Variants in PADI4 observed in about 807,000 individuals in gnomAD.
PADI4 encodes the protein peptidyl arginine deiminase 4, also known as protein-arginine deiminase type-4.
A neutral mutation model predicts 75.0 loss-of-function variants in PADI4; 62 were observed. The ratio of observed to expected loss-of-function variants is 0.83; its 90% CI spans 0.67 to 1.02. The LOEUF (loss-of-function observed/expected upper bound fraction) is 1.02, where lower values mean the gene tolerates loss of function less well. Ranked by LOEUF, PADI4 falls within the 50% of genes least tolerant of loss-of-function variation. PADI4 has a pLI of 0.00. For synonymous variants in PADI4, 361 were observed against 348.1 expected (o/e 1.04, Z -0.41); for missense variants, 845 against 850.5 (o/e 0.99, Z 0.08).
intron 1 of PADI4, among the ~76,000 whole-genome samples, chr1:17,313,956 G>A (rs2073889954): frequency 6.6e-6 from 1 of 152,218 alleles, no homozygotes; most frequent in Admixed American, 6.5e-5. Flanking sequence ...CTGGAACACA[G>A]CCAGAGGAAG....
chr1:17,318,623 T>A (rs1388933515), intron 1 of PADI4, among the ~76,000 whole-genome samples: 1 of 152,170 alleles, frequency 6.6e-6, no homozygotes, highest in Non-Finnish European at 1.5e-5. Context: ...TGAATAAACA[T>A]TTTTATATTT....
intron 2 of PADI4, among the ~76,000 whole-genome samples, chr1:17,332,286 G>A (rs1032485419): frequency 3.3e-4 from 50 of 152,050 alleles, no homozygotes; most frequent in Non-Finnish European, 3.4e-4. Context: ...TCGCTCTGTC[G>A]CCCAGGCTGG....
At chr1:17,314,948 C>T (rs1032579835) in intron 1 of PADI4, among the ~76,000 whole-genome samples, 1 of 152,210 alleles carries the variant, frequency 6.6e-6, no homozygotes, top group Non-Finnish European at 1.5e-5. Flanking sequence ...TCCATTCACA[C>T]TGACCCTGGC....
chr1:17,324,523 G>A (rs1280470935), intron 1 of PADI4, among the ~76,000 whole-genome samples: 1 of 152,070 alleles, frequency 6.6e-6, no homozygotes, highest in Non-Finnish European at 1.5e-5. Flanking sequence ...AATAGAAACA[G>A]GGTCTCACTA....
chr1:17,335,852 T>A (rs2074299619), intron 3 of PADI4, among the ~76,000 whole-genome samples: 1 of 152,214 alleles, frequency 6.6e-6, no homozygotes, highest in Non-Finnish European at 1.5e-5. Context: ...TGGTTGGGAA[T>A]TCCTTCCAAA....
chr1:17,319,558 G>A (rs915123870), intron 1 of PADI4, among the ~76,000 whole-genome samples: 2 of 152,098 alleles, frequency 1.3e-5, no homozygotes, highest in African/African-American at 4.8e-5. Context: ...AAGACAGAGG[G>A]TGTATTAGTT....
At chr1:17,350,932 A>G (rs1410860833) in intron 10 of PADI4, among the ~76,000 whole-genome samples, 1 of 127,518 alleles carries the variant, frequency 7.8e-6, no homozygotes, top group African/African-American at 2.5e-5. Flanking sequence ...CATACCTGTA[A>G]TCCTAGCACT....
intron 10 of PADI4, among the ~76,000 whole-genome samples, chr1:17,352,030 T>A (rs1306443250): frequency 0.091 from 950 of 10,490 alleles, 105 homozygotes; most frequent in Admixed American, 0.12. Context: ...GCCAGGGAGG[T>A]GATGGGAGGA....
chr1:17,321,898 T>A (rs539914460), intron 1 of PADI4, among the ~76,000 whole-genome samples: 1 of 152,272 alleles, frequency 6.6e-6, no homozygotes, highest in East Asian at 1.9e-4. Context: ...TGGAAGAAGA[T>A]GAAGAAATTT....
rs865964540 is a variant in PADI4, at chr1:17,322,493, C to T, written c.93-8476C>T. ...GACAGAGTGAGACTCCATCCCCCCC[C>T]AAAAAAAAAGATAAGCTATAAATGT... On this transcript the variant is annotated intron_variant, in intron 1 of 15. Coordinates refer to ENST00000375448, the MANE Select transcript of PADI4 (RefSeq NM_012387.3). Among the ~76,000 whole-genome samples, 5 of 149,646 alleles carry T rather than the reference C, an allele frequency of 3.3e-5. No homozygotes were observed. In the South Asian group the frequency reaches 1.1e-3, roughly 32 times the overall value.
chr1:17,360,090 C>A (rs71644044), intron 15 of PADI4, among the ~76,000 whole-genome samples: 7,460 of 152,106 alleles, frequency 0.049, 393 homozygotes, highest in African/African-American at 0.13. Context: ...AGGAGTTCGA[C>A]ACCAGCCTGG....
At position 17,320,077 on chromosome 1, in the gene PADI4, T is replaced by C. The variant is rs771630922; in HGVS notation, c.93-10892T>C. On this transcript the variant is annotated intron_variant, in intron 1 of 15. Transcript: ENST00000375448. ...AGATCAGAAGTCCAAAATATGAATCTTACTTGGCTAAAATCAAGGTGTCGG... is the reference window on the plus strand; with the variant it reads ...AGATCAGAAGTCCAAAATATGAATCCTACTTGGCTAAAATCAAGGTGTCGG... 1.2e-4 allele frequency among the ~76,000 whole-genome samples: 18 copies of C among 152,356 alleles called. 1 individual carries two copies. In the South Asian group the frequency reaches 1.2e-3, roughly 11 times the overall value.
intron 10 of PADI4, among the ~76,000 whole-genome samples, chr1:17,352,505 G>T (rs192488093): frequency 6.6e-6 from 1 of 152,142 alleles, no homozygotes; most frequent in African/African-American, 2.4e-5. Context: ...GAGTGGGCAG[G>T]TGAGGGATGC....
chr1:17,345,953 T>C (rs1452169730), intron 8 of PADI4, 75 bp from the exon 9 acceptor site: 1 of 962,766 alleles, frequency 1.0e-6, no homozygotes, highest in Admixed American at 1.9e-5. Context: ...GAGCCACCTG[T>C]GTGTCCCTCC....
At chr1:17,359,435 C>T in intron 15 of PADI4, 27 bp downstream of exon 15, 2 of 1,613,602 alleles carry the variant, frequency 1.2e-6, no homozygotes, top group Non-Finnish European at 8.5e-7. Flanking sequence ...TTTAAAACCC[C>T]AGGGTGTGGC....
At chr1:17,335,503 T>TG (rs2074293845) in intron 3 of PADI4, among the ~76,000 whole-genome samples, 1 of 152,208 alleles carries the variant, frequency 6.6e-6, no homozygotes, top group African/African-American at 2.4e-5. Context: ...GAAGGTCATC[T>TG]GGGTCAGTCT....
In PADI4 at chr1:17,351,201, G is replaced by GAAA. The variant is rs61284318; in HGVS notation, c.1155+3170_1155+3172dup. Reference sequence around the variant, plus strand: ...TGACAGATGAGACCTTGTCCCAGAGGAAAAAAAAAAAAAAAAAAAGAGCTA... The same window carrying GAAA: ...TGACAGATGAGACCTTGTCCCAGAGGAAAAAAAAAAAAAAAAAAAAAAGAGCTA... On this transcript the variant is annotated intron_variant, in intron 10 of 15. Transcript: ENST00000375448. Among the ~76,000 whole-genome samples the GAAA allele has an allele frequency of 6.1e-4, 47 of 76,826 alleles. 1 individual carries two copies. The highest frequency in any genetic ancestry group is 2.0e-3 in the African/African-American group (44 of 21,880). The allele number at this position is 76,826 out of a possible 152,430, so 50.4% of individuals were successfully genotyped here. A position where few individuals can be genotyped will look rare whatever the true frequency, so the allele number is the denominator to read the frequency against.
chr1:17,342,797 A>G (rs2074447067), intron 8 of PADI4, among the ~76,000 whole-genome samples: 1 of 152,184 alleles, frequency 6.6e-6, no homozygotes, highest in Non-Finnish European at 1.5e-5. Flanking sequence ...CAACATGGTG[A>G]AACCCTGTCT....
intron 3 of PADI4, chr1:17,334,945 C>A (rs1160567442): frequency 1.8e-5 from 4 of 221,716 alleles, no homozygotes; most frequent in Non-Finnish European, 2.7e-5. Context: ...AGTTTGAGAC[C>A]AGCCTGGGCA....
Sources: gnomAD v4.1 joint callset for allele counts (sites outside exome capture counted in the v4.1 genomes callset) on GRCh38, gnomAD v4.1.1 for gene constraint, MANE v1.5 for transcripts, NCBI Gene and HGNC (gene_info 2026-07-23, HGNC 2026-07-21) for gene names.